BMAL1: variants seen among roughly 807,000 people sequenced by gnomAD.
BMAL1 encodes the protein basic helix-loop-helix ARNT like 1, also known as basic helix-loop-helix ARNT-like protein 1.
chr11:13,329,582 T>C, the BMAL1 span, among the ~76,000 whole-genome samples: 2 of 152,320 alleles, frequency 1.3e-5, no homozygotes, highest in Admixed American at 6.5e-5. Context: ...TTCTGGTTTC[T>C]AAGGAGCTGG....
At chr11:13,284,126 GTGTATATA>G in the BMAL1 span, among the ~76,000 whole-genome samples, 73 of 98,586 alleles carry the variant, frequency 7.4e-4, 5 homozygotes, top group African/African-American at 3.1e-3. Flanking sequence ...ATATGTGTGT[GTGTATATA>G]TATATATATG....
the BMAL1 span, among the ~76,000 whole-genome samples, chr11:13,298,442 T>C: frequency 1.3e-5 from 2 of 152,378 alleles, no homozygotes; most frequent in East Asian, 1.9e-4. Context: ...TGTTCCCTTT[T>C]TCCCTTGCTC....
chr11:13,327,619 G>A, the BMAL1 span, among the ~76,000 whole-genome samples: 2 of 152,088 alleles, frequency 1.3e-5, no homozygotes, highest in Admixed American at 6.6e-5. Flanking sequence ...AACAGTTTCC[G>A]GTGGCTGAAT....
chr11:13,372,234 C>G, the BMAL1 span: 3 of 1,614,192 alleles, frequency 1.9e-6, no homozygotes, highest in Non-Finnish European at 2.5e-6. Context: ...AAAGATGGGG[C>G]TGGATGAAGA....
the BMAL1 span, chr11:13,386,822 T>G: frequency 3.8e-6 from 6 of 1,563,164 alleles, no homozygotes; most frequent in African/African-American, 6.8e-5. Context: ...TTTTACAGTC[T>G]GTGAAGCTTA....
chr11:13,376,254 T>C, the BMAL1 span, among the ~76,000 whole-genome samples: 3 of 152,162 alleles, frequency 2.0e-5, no homozygotes, highest in Non-Finnish European at 2.9e-5. Flanking sequence ...GAGCCTCTCT[T>C]TGGCCAGGCC....
chr11:13,298,836 T>C, the BMAL1 span, among the ~76,000 whole-genome samples: 1 of 152,250 alleles, frequency 6.6e-6, no homozygotes, highest in Non-Finnish European at 1.5e-5. Context: ...CCACCACCTG[T>C]GCTCTGTGTT....
the BMAL1 span, among the ~76,000 whole-genome samples, chr11:13,281,524 C>T: frequency 0.62 from 94,457 of 151,946 alleles, 30,246 homozygotes; most frequent in Non-Finnish European, 0.71. Flanking sequence ...TGCAGTATTT[C>T]TTTTATTTTT....
the BMAL1 span, among the ~76,000 whole-genome samples, chr11:13,297,471 G>A: frequency 1.3e-5 from 2 of 152,244 alleles, no homozygotes; most frequent in Non-Finnish European, 2.9e-5. Flanking sequence ...GAGGACAAGA[G>A]CGCAGCAGGG....
chr11:13,355,471 C>T, the BMAL1 span, among the ~76,000 whole-genome samples: 1 of 152,184 alleles, frequency 6.6e-6, no homozygotes, highest in African/African-American at 2.4e-5. Flanking sequence ...TGTTCTAAGG[C>T]CTCTGTCATC....
the BMAL1 span, among the ~76,000 whole-genome samples, chr11:13,330,987 T>C: frequency 6.6e-6 from 1 of 152,106 alleles, no homozygotes; most frequent in Non-Finnish European, 1.5e-5. Context: ...TATATCTCAT[T>C]GTAGGTGGGG....
chr11:13,284,265 TA>T, the BMAL1 span, among the ~76,000 whole-genome samples: 106 of 16,424 alleles, frequency 6.5e-3, 13 homozygotes, highest in African/African-American at 0.023. Flanking sequence ...TATATATATA[TA>T]TTTTTTTTTT....
At chr11:13,360,238 C>A in the BMAL1 span, 2 of 903,550 alleles carry the variant, frequency 2.2e-6, no homozygotes, top group South Asian at 1.6e-5. Flanking sequence ...AATTTAAATA[C>A]CAGGTCATAG....
chr11:13,312,232 T>G, the BMAL1 span, among the ~76,000 whole-genome samples: 1 of 152,256 alleles, frequency 6.6e-6, no homozygotes. Flanking sequence ...ATTAATAGTA[T>G]TCTTATTTCA....
the BMAL1 span, chr11:13,357,012 C>A: frequency 6.2e-7 from 1 of 1,613,816 alleles, no homozygotes; most frequent in Non-Finnish European, 8.5e-7. The surrounding 1 kb of genome is among the most constrained non-coding windows in gnomAD (Gnocchi z 4.8). Context: ...CCATTCATCT[C>A]CAGAGAATTA....
the BMAL1 span, among the ~76,000 whole-genome samples, chr11:13,347,231 A>G: frequency 6.6e-6 from 1 of 152,020 alleles, no homozygotes; most frequent in Admixed American, 6.5e-5. Context: ...AAAATAAAAA[A>G]TTAGCTACGT....
chr11:13,281,361 C>T, the BMAL1 span, among the ~76,000 whole-genome samples: 3 of 152,052 alleles, frequency 2.0e-5, no homozygotes, highest in African/African-American at 7.3e-5. Context: ...CCCACTCTCC[C>T]ATCTCCTGCT....
chr11:13,360,869 G>C, the BMAL1 span, among the ~76,000 whole-genome samples: 1 of 152,184 alleles, frequency 6.6e-6, no homozygotes, highest in Admixed American at 6.5e-5. Flanking sequence ...TATAATCCCA[G>C]CACTTTGAGA....
chr11:13,325,403 T>G, the BMAL1 span, among the ~76,000 whole-genome samples: 1 of 152,240 alleles, frequency 6.6e-6, no homozygotes, highest in African/African-American at 2.4e-5. Flanking sequence ...ACATTTCACC[T>G]TATTTGATTC....
Sources: gnomAD v4.1 joint callset for allele counts (sites outside exome capture counted in the v4.1 genomes callset) on GRCh38, gnomAD v4.1.1 for gene constraint, Gnocchi (gnomAD v3.1) non-coding constraint, MANE v1.5 for transcripts, NCBI Gene and HGNC (gene_info 2026-07-23, HGNC 2026-07-21) for gene names.